Variants in LRRFIP2 observed in about 807,000 individuals in gnomAD.
LRRFIP2 encodes leucine-rich repeat flightless-interacting protein 2.
Under a neutral mutation model 125.9 loss-of-function variants are expected in LRRFIP2, and 109 were observed. That is an observed-to-expected ratio of 0.87 (90% confidence interval 0.74 to 1.01). LRRFIP2 has a LOEUF of 1.01. Ranked by LOEUF, LRRFIP2 falls within the 50% of genes least tolerant of loss-of-function variation. The pLI, the probability that LRRFIP2 is intolerant of heterozygous loss-of-function variation, is 0.00. For synonymous variants in LRRFIP2, 291 were observed against 293.1 expected, an observed-to-expected ratio of 0.99 and a Z score of 0.07; for missense variants, 850 against 862.3, an observed-to-expected ratio of 0.99 and a Z score of 0.18.
chr3:37,069,364 A>C (rs879393248), intron 21 of LRRFIP2, among the ~76,000 whole-genome samples: 3 of 152,252 alleles, frequency 2.0e-5, no homozygotes, highest in Admixed American at 6.5e-5. Flanking sequence ...AATGTGGTAT[A>C]TACATACAAT....
chr3:37,131,331 T>A (rs973776960), intron 2 of LRRFIP2, among the ~76,000 whole-genome samples: 11 of 152,180 alleles, frequency 7.2e-5, no homozygotes, highest in Non-Finnish European at 1.2e-4. Context: ...AGTCCCTCTT[T>A]CATAAAGTAA....
intron 18 of LRRFIP2, among the ~76,000 whole-genome samples, chr3:37,088,345 TA>T (rs767809634): frequency 2.6e-5 from 4 of 152,126 alleles, no homozygotes; most frequent in Non-Finnish European, 5.9e-5. Flanking sequence ...TCCTTATTCT[TA>T]CTGTCCTTCT....
At chr3:37,105,579 T>G in intron 13 of LRRFIP2, 56 bp from the exon 14 acceptor site, 1 of 1,271,850 alleles carries the variant, frequency 7.9e-7, no homozygotes, top group East Asian at 2.3e-5. Flanking sequence ...TGGTGTTACC[T>G]CATTATAAGT....
intron 2 of LRRFIP2, among the ~76,000 whole-genome samples, chr3:37,140,124 T>C (rs2095655752): frequency 6.6e-6 from 1 of 152,180 alleles, no homozygotes; most frequent in Admixed American, 6.5e-5. Flanking sequence ...TTCTCTCATC[T>C]CTCTCCTTCA....
At chr3:37,088,270 TA>T in intron 18 of LRRFIP2, among the ~76,000 whole-genome samples, 1 of 152,190 alleles carries the variant, frequency 6.6e-6, no homozygotes, top group Non-Finnish European at 1.5e-5. Flanking sequence ...TGGCAAGACT[TA>T]CCCCTACAGT....
At chr3:37,071,363 T>C (rs1287263707) in intron 21 of LRRFIP2, among the ~76,000 whole-genome samples, 10 of 152,142 alleles carry the variant, frequency 6.6e-5, no homozygotes, top group South Asian at 2.1e-4. Flanking sequence ...GGCAGGTGCA[T>C]GCTCTGCAAA....
intron 2 of LRRFIP2, among the ~76,000 whole-genome samples, chr3:37,148,599 C>A (rs2095921021): frequency 6.6e-6 from 1 of 152,212 alleles, no homozygotes. Flanking sequence ...TCAATCTTTT[C>A]TTTGTTCTTT....
rs764198886 is a variant in LRRFIP2 at position 37,094,811 on chromosome 3, G to T, written c.1016C>A (p.Thr339Asn). ...GTTTACCCGCAATTCACTTAATGAA[G>T]TGTCTGGATCTATTAAGCTGCTGGT... is the stretch of plus-strand genomic sequence containing the variant. ...GDTSSLIDPD[T>N]SLSELRDIYD... is the part of the protein sequence containing the mutation. The change falls in exon 17 of 28, where the codon ACT becomes AAT. Residue 339 changes from threonine to asparagine, a missense_variant. Physicochemically the swap from Thr to Asn is moderately conservative, Grantham distance 65 (BLOSUM62 0). Coordinates refer to ENST00000336686, the MANE Select transcript of LRRFIP2 (RefSeq NM_006309.4). The T allele has an allele frequency of 1.2e-6, 2 of 1,612,848 alleles. No individual in the cohort carries two copies. Among genetic ancestry groups the T allele is most frequent in the Admixed American group, 3.3e-5 (2 of 59,974 alleles).
chr3:37,054,539 T>C, intron 26 of LRRFIP2, 24 bp from the exon 27 acceptor site: 1 of 1,515,630 alleles, frequency 6.6e-7, no homozygotes, highest in East Asian at 2.3e-5. Context: ...AACATAGGCC[T>C]CTAGTACTGG....
chr3:37,170,130 C>T (rs1024707929), intron 1 of LRRFIP2, among the ~76,000 whole-genome samples: 3 of 152,140 alleles, frequency 2.0e-5, no homozygotes, highest in African/African-American at 7.2e-5. Flanking sequence ...CTGCAAATAA[C>T]TGAAGGCAAA....
chr3:37,089,611 G>T (rs2093310037), intron 18 of LRRFIP2, among the ~76,000 whole-genome samples: 1 of 151,954 alleles, frequency 6.6e-6, no homozygotes, highest in Admixed American at 6.6e-5. Flanking sequence ...TTAGGACAAG[G>T]GATCTCATCT....
intron 2 of LRRFIP2, among the ~76,000 whole-genome samples, chr3:37,137,970 A>T (rs1577276527): frequency 6.6e-6 from 1 of 151,878 alleles, no homozygotes; most frequent in African/African-American, 2.4e-5. Context: ...ACTCCAACAG[A>T]CTCCCTCTAC....
At chr3:37,172,599 A>G (rs192423553) in intron 1 of LRRFIP2, among the ~76,000 whole-genome samples, 12 of 152,316 alleles carry the variant, frequency 7.9e-5, no homozygotes, top group Admixed American at 2.6e-4. Context: ...CCATGAAATA[A>G]GCATTCTCCT....
intron 24 of LRRFIP2, among the ~76,000 whole-genome samples, chr3:37,061,993 T>C (rs764277701): frequency 2.6e-5 from 4 of 152,236 alleles, no homozygotes; most frequent in Admixed American, 1.3e-4. Flanking sequence ...TTCTTTCTAC[T>C]ATACCTTGAT....
chr3:37,161,272 T>C (rs2096336166), intron 1 of LRRFIP2, among the ~76,000 whole-genome samples: 1 of 151,040 alleles, frequency 6.6e-6, no homozygotes, highest in African/African-American at 2.4e-5. Context: ...TGAGAATCAC[T>C]TGAACCCAGG....
chr3:37,140,740 CTCT>C (rs544281432), intron 2 of LRRFIP2, among the ~76,000 whole-genome samples: 126 of 151,986 alleles, frequency 8.3e-4, no homozygotes, highest in Non-Finnish European at 9.0e-4. Flanking sequence ...CTTAATCTTC[CTCT>C]TCTTTTTTAT....
In LRRFIP2 at chr3:37,123,219, C is replaced by T. The variant is rs146600524; in HGVS notation, c.229-1528G>A. ...GTTGTTGTTTTTTGAGACGGAGTCT[C>T]GCTCTGTCGCCTAGGCTGGAATGCA... is the stretch of plus-strand genomic sequence containing the variant. On this transcript the variant is annotated intron_variant, in intron 4 of 27. Coordinates refer to ENST00000336686, the MANE Select transcript of LRRFIP2 (RefSeq NM_006309.4). 2.5e-3 allele frequency among the ~76,000 whole-genome samples: 380 copies of T among 152,200 alleles called. 2 individuals carry two copies. Among genetic ancestry groups the T allele is most frequent in the Non-Finnish European group, 4.2e-3 (285 of 68,008 alleles).
chr3:37,152,593 GC>G (rs1165858072), intron 1 of LRRFIP2, among the ~76,000 whole-genome samples: 1 of 152,122 alleles, frequency 6.6e-6, no homozygotes, highest in Non-Finnish European at 1.5e-5. Context: ...ACATGTGTGT[GC>G]CACCATACCT....
chr3:37,117,453 T>C (rs993963901), intron 6 of LRRFIP2, among the ~76,000 whole-genome samples: 2 of 151,976 alleles, frequency 1.3e-5, no homozygotes, highest in Non-Finnish European at 2.9e-5. Flanking sequence ...ACAAAAAAAG[T>C]CACCCCAATA....
Sources: gnomAD v4.1 joint callset for allele counts (sites outside exome capture counted in the v4.1 genomes callset) on GRCh38, gnomAD v4.1.1 for gene constraint, MANE v1.5 for transcripts, NCBI Gene and HGNC (gene_info 2026-07-23, HGNC 2026-07-21) for gene names.